TJP2: variants seen among roughly 807,000 people sequenced by gnomAD.
TJP2 encodes the protein Friedreich ataxia region gene X104 (tight junction protein ZO-2).
Under a neutral mutation model 133.1 loss-of-function variants are expected in TJP2, and 91 were observed. That is an observed-to-expected ratio of 0.68 (90% CI 0.58 to 0.81). TJP2 has a LOEUF of 0.81. Among genes scored for constraint, TJP2 ranks in the 40% least tolerant of loss-of-function variants. The pLI is 0.00. For missense variants in TJP2, 1,541 were observed against 1,565.6 expected (o/e 0.98, Z 0.26); for synonymous variants, 592 against 583.4 (o/e 1.01, Z -0.21).
intron 2 of TJP2, among the ~76,000 whole-genome samples, chr9:69,169,029 A>G (rs573310270): frequency 2.6e-5 from 4 of 151,350 alleles, no homozygotes; most frequent in African/African-American, 9.7e-5. Flanking sequence ...GCTACCTGGA[A>G]GTGGGGGCGG....
intron 5 of TJP2, among the ~76,000 whole-genome samples, chr9:69,221,714 C>T (rs1588094630): frequency 6.6e-6 from 1 of 151,444 alleles, no homozygotes; most frequent in African/African-American, 2.4e-5. Context: ...CCACCACGCC[C>T]AGCTAATTTT....
At chr9:69,197,474 A>G (rs1010408425) in intron 1 of TJP2, among the ~76,000 whole-genome samples, 1 of 151,900 alleles carries the variant, frequency 6.6e-6, no homozygotes, top group Non-Finnish European at 1.5e-5. Context: ...TGTATTTTCA[A>G]TTTTCTTGAG....
At chr9:69,212,046 C>G (rs569651881) in intron 1 of TJP2, among the ~76,000 whole-genome samples, 1 of 152,318 alleles carries the variant, frequency 6.6e-6, no homozygotes, top group East Asian at 1.9e-4. Flanking sequence ...AGACATTCAT[C>G]TTTCATACTC....
At chr9:69,225,658 T>G (rs1393412794) in intron 6 of TJP2, among the ~76,000 whole-genome samples, 1 of 152,242 alleles carries the variant, frequency 6.6e-6, no homozygotes, top group Non-Finnish European at 1.5e-5. Context: ...TGTTTAAAGT[T>G]TAGATCCCTA....
intron 22 of TJP2, chr9:69,253,912 G>T: frequency 2.2e-6 from 1 of 453,004 alleles, no homozygotes; most frequent in South Asian, 2.1e-5. Flanking sequence ...CCTCGCTGCT[G>T]GGTGAGACTA....
rs141628023 is a variant in TJP2 at position 69,138,141 on chromosome 9, C to T, written c.-130-13510C>T. Among the ~76,000 whole-genome samples, 14 of 152,322 alleles carry T rather than the reference C, an allele frequency of 9.2e-5. No homozygotes were observed. The East Asian group carries it at 9.6e-4, about 10-fold the overall frequency. Reference sequence around the variant, plus strand: ...CTCCAAGAGGCATTACCAGTTCTCTCATCTTGAACCAACGTTCCGCCCGTT... The same window carrying T: ...CTCCAAGAGGCATTACCAGTTCTCTTATCTTGAACCAACGTTCCGCCCGTT... On this transcript the variant is annotated intron_variant, in intron 1 of 5. Coordinates refer to the TJP2 transcript ENST00000423935.
intron 17 of TJP2, among the ~76,000 whole-genome samples, chr9:69,245,225 A>AT (rs1830841237): frequency 6.6e-6 from 1 of 152,236 alleles, no homozygotes; most frequent in African/African-American, 2.4e-5. Context: ...TTGTAAGCTC[A>AT]TTCAGGATTT....
chr9:69,244,022 AAAAAT>A (rs1830747362), intron 17 of TJP2, among the ~76,000 whole-genome samples: 1 of 151,826 alleles, frequency 6.6e-6, no homozygotes, highest in African/African-American at 2.4e-5. Context: ...TGTCTCTATT[AAAAAT>A]AAAAAAATTA....
At position 69,136,366 on chromosome 9, in the gene TJP2, G is replaced by C. The variant is rs528977462; in HGVS notation, c.-131+14641G>C. ...AGACTTCATCTCTACTGAAAAAAAT[G>C]AATAAATAATGAGCTGAGTCATCAA... On this transcript the variant is annotated intron_variant, in intron 1 of 5. Transcript: ENST00000423935. Among the ~76,000 whole-genome samples the C allele has an allele frequency of 8.9e-4, 135 of 152,232 alleles. 2 individuals are homozygous for C. The highest frequency in any genetic ancestry group is 3.1e-3 in the African/African-American group (128 of 41,562).
rs779827955 is a variant in TJP2 at position 69,236,149 on chromosome 9, A to T, written c.1902A>T (p.Val634=). The T allele has an allele frequency of 2.5e-6, 4 of 1,614,102 alleles. No homozygotes were observed. Among genetic ancestry groups the T allele is most frequent in the Non-Finnish European group, 3.4e-6 (4 of 1,180,040 alleles). ...CCAGAGGGGAGGTCTTCCGAGTGGT[A>T]GACACACTGTATGACGGCAAGCTGG... ...AFTRGEVFRV[V]DTLYDGKLGN... is the part of the protein sequence containing the mutation. The change falls in exon 13 of 23, where the codon GTA becomes GTT. Residue 634 remains valine, a synonymous_variant. Transcript: ENST00000377245.
intron 22 of TJP2, 166 bp from the exon 23 acceptor site, chr9:69,254,043 G>A (rs535842721): frequency 2.1e-5 from 17 of 800,874 alleles, no homozygotes; most frequent in Admixed American, 9.4e-5. Context: ...GACCTATTAC[G>A]AACCTGGAGC....
chr9:69,201,529 C>A (rs535432945), intron 1 of TJP2, among the ~76,000 whole-genome samples: 3 of 152,218 alleles, frequency 2.0e-5, no homozygotes, highest in African/African-American at 7.2e-5. Context: ...GATGCTGGCT[C>A]CTGCAAAGCT....
At chr9:69,205,084 G>A (rs1827291017) in intron 1 of TJP2, 7 of 1,518,472 alleles carry the variant, frequency 4.6e-6, no homozygotes, top group Admixed American at 4.0e-5. Context: ...TCCGCCTTAC[G>A]TAACCACATG....
chr9:69,217,936 G>C (rs1400070427), intron 3 of TJP2, among the ~76,000 whole-genome samples: 1 of 152,086 alleles, frequency 6.6e-6, no homozygotes, highest in Admixed American at 6.5e-5. Flanking sequence ...CAGGCAATAG[G>C]GGACTGATAG....
Position 69,216,331 on chromosome 9 carries a change from A to G in TJP2, c.115-8A>G. ...GGATTTTTAATATTTCTCCTCTCTG[A>G]TGTACAGGATTCCAAAAGAGGATTT... On this transcript the variant is annotated splice_polypyrimidine_tract_variant and splice_region_variant and intron_variant, in intron 2 of 22. Transcript: ENST00000377245. The G allele has an allele frequency of 6.2e-7, 1 of 1,614,086 alleles. No individual in the cohort carries two copies. Among genetic ancestry groups the G allele is most frequent in the Non-Finnish European group, 8.5e-7 (1 of 1,180,000 alleles).
At chr9:69,134,055 T>A (rs1434848307) in intron 1 of TJP2, among the ~76,000 whole-genome samples, 1 of 152,184 alleles carries the variant, frequency 6.6e-6, no homozygotes, top group African/African-American at 2.4e-5. Context: ...GTCACTCACA[T>A]CCGTATTACA....
intron 6 of TJP2, 48 bp downstream of exon 6, chr9:69,225,455 C>T (rs1195126604): frequency 7.3e-6 from 9 of 1,240,044 alleles, no homozygotes; most frequent in Admixed American, 3.5e-5. Flanking sequence ...TGCCGTTCAT[C>T]GCCTGCATGT....
chr9:69,151,796 C>G, intron 2 of TJP2: 2 of 1,232,096 alleles, frequency 1.6e-6, no homozygotes, highest in Non-Finnish European at 1.0e-6. Context: ...AATCTCTCAT[C>G]AACCTAGTTA....
At chr9:69,169,549 G>A (rs1005513648), upstream of TJP2, among the ~76,000 whole-genome samples, 1 of 151,700 alleles carries the variant, frequency 6.6e-6, no homozygotes, top group African/African-American at 2.4e-5. Flanking sequence ...TAGTAGAGAC[G>A]GGGTTTCACC....
Sources: gnomAD v4.1 joint callset for allele counts (sites outside exome capture counted in the v4.1 genomes callset) on GRCh38, gnomAD v4.1.1 for gene constraint, MANE v1.5 for transcripts, NCBI Gene and HGNC (gene_info 2026-07-23, HGNC 2026-07-21) for gene names.